Variants in E2F3 observed in about 807,000 individuals in gnomAD.
The protein encoded by E2F3 is transcription factor E2F3.
A neutral mutation model predicts 44.4 loss-of-function variants in E2F3; 11 were observed. That is an observed-to-expected ratio of 0.25 (90% confidence interval 0.16 to 0.41). The LOEUF (loss-of-function observed/expected upper bound fraction) is 0.41, where lower values mean the gene tolerates loss of function less well. E2F3 is among the 10% of genes least tolerant of loss of function. The pLI, the probability that E2F3 is intolerant of heterozygous loss-of-function variation, is 1.00. For synonymous variants in E2F3, 249 were observed against 253.0 expected (o/e 0.98, Z 0.15); for missense variants, 487 against 583.6 (o/e 0.83, Z 1.70).
At chr6:20,418,588 G>A (rs1166752795) in intron 1 of E2F3, among the ~76,000 whole-genome samples, 1 of 152,234 alleles carries the variant, frequency 6.6e-6, no homozygotes, top group African/African-American at 2.4e-5. Context: ...ACCCTGAGAA[G>A]TATAACTGCC....
intron 1 of E2F3, among the ~76,000 whole-genome samples, chr6:20,451,158 G>A (rs180886067): frequency 1.0e-3 from 156 of 152,242 alleles, no homozygotes; most frequent in East Asian, 2.5e-3. Context: ...TTCTAGTTCT[G>A]TGAAGAATGT....
intron 1 of E2F3, chr6:20,421,808 A>C (rs1760037585): frequency 6.6e-6 from 1 of 152,312 alleles, no homozygotes; most frequent in Non-Finnish European, 1.5e-5. Context: ...ACTACAGCCC[A>C]GAACTCCTGG....
chr6:20,479,254 T>C (rs1163543977), intron 1 of E2F3, among the ~76,000 whole-genome samples: 2 of 152,140 alleles, frequency 1.3e-5, no homozygotes, highest in Non-Finnish European at 2.9e-5. Flanking sequence ...ATATACAGTA[T>C]ATAGAGAGAG....
chr6:20,432,499 T>C (rs1760441236), intron 1 of E2F3, among the ~76,000 whole-genome samples: 1 of 152,262 alleles, frequency 6.6e-6, no homozygotes, highest in South Asian at 2.1e-4. Flanking sequence ...ATATATGGTG[T>C]AGACCACAGA....
intron 1 of E2F3, among the ~76,000 whole-genome samples, chr6:20,473,872 T>C (rs572594350): frequency 6.2e-4 from 95 of 152,308 alleles, no homozygotes; most frequent in Non-Finnish European, 1.2e-3. Context: ...AGCCTTGGGA[T>C]TGAGGCCAGG....
rs73382452 is a variant in E2F3, at chr6:20,414,058, A to G, written c.393+11433A>G. On this transcript the variant is annotated intron_variant, in intron 1 of 6. Coordinates refer to ENST00000346618, the MANE Select transcript of E2F3 (RefSeq NM_001949.5). Reference sequence around the variant, plus strand: ...GGGCCATCCCGTTTTCTGAGGGGCTAAGGCTGAGCACCGGAAGTGGGACTT... The same window carrying G: ...GGGCCATCCCGTTTTCTGAGGGGCTGAGGCTGAGCACCGGAAGTGGGACTT... Among the ~76,000 whole-genome samples, 688 of 152,276 alleles carry G rather than the reference A, an allele frequency of 4.5e-3. 4 individuals are homozygous for G. Among genetic ancestry groups the G allele is most frequent in the African/African-American group, 0.015 (640 of 41,564 alleles).
At chr6:20,467,128 G>A (rs918278475) in intron 1 of E2F3, among the ~76,000 whole-genome samples, 10 of 152,098 alleles carry the variant, frequency 6.6e-5, no homozygotes, top group Non-Finnish European at 1.3e-4. Context: ...ACTCATGAGG[G>A]GAAACTGAGC....
rs1403562976 is a variant in E2F3, at chr6:20,490,029, C to T, written c.1136-139C>T. ...TGTACCTGTTAGCATAAAAGGTGAT[C>T]TGCATCATAAAGTCGTCTCATTGTC... On this transcript the variant is annotated intron_variant, in intron 6 of 6. Transcript: ENST00000346618. This position sits in a 1 kb window ranked among gnomAD's most constrained non-coding sequence, Gnocchi z 4.3. 1 of 936,934 alleles carries T rather than the reference C, an allele frequency of 1.1e-6. No individual in the cohort carries two copies. The highest frequency in any genetic ancestry group is 1.7e-5 in the African/African-American group (1 of 59,378). 58.0% of individuals were successfully genotyped at this position (936,934 alleles called of 1,614,324 possible).
intron 1 of E2F3, among the ~76,000 whole-genome samples, chr6:20,468,317 C>T (rs761283959): frequency 8.5e-5 from 13 of 152,190 alleles, no homozygotes; most frequent in Non-Finnish European, 1.0e-4. Context: ...TCGGGGTTCC[C>T]GCGGCCCATT....
chr6:20,469,515 A>G (rs1206424126), intron 1 of E2F3, among the ~76,000 whole-genome samples: 2 of 152,356 alleles, frequency 1.3e-5, no homozygotes, highest in African/African-American at 2.4e-5. Context: ...TAAAAACAAA[A>G]TAAGTTTCTA....
intron 1 of E2F3, among the ~76,000 whole-genome samples, chr6:20,448,006 C>T (rs1055177345): frequency 6.6e-6 from 1 of 152,198 alleles, no homozygotes; most frequent in Non-Finnish European, 1.5e-5. Context: ...GTCCTTAAAC[C>T]TTTCTGCCCC....
intron 1 of E2F3, among the ~76,000 whole-genome samples, chr6:20,411,866 C>T (rs976069882): frequency 6.6e-6 from 1 of 152,188 alleles, no homozygotes; most frequent in Non-Finnish European, 1.5e-5. Flanking sequence ...TCATGACTTA[C>T]TCCTCCTCCA....
At chr6:20,482,304 C>G (rs1180890448) in intron 3 of E2F3, among the ~76,000 whole-genome samples, 1 of 147,354 alleles carries the variant, frequency 6.8e-6, no homozygotes, top group Non-Finnish European at 1.5e-5. Context: ...CAGTAATTAC[C>G]TGAGTTTTTG....
At chr6:20,426,811 C>T (rs1760230630) in intron 1 of E2F3, among the ~76,000 whole-genome samples, 1 of 152,330 alleles carries the variant, frequency 6.6e-6, no homozygotes, top group East Asian at 1.9e-4. Context: ...CCCATCCCCC[C>T]CAATACAACT....
rs1762581202 is a variant in E2F3 at position 20,492,493 on chromosome 6, G to T, written c.*2063G>T. On this transcript the variant is annotated 3_prime_UTR_variant, in exon 7 of 7. Transcript: ENST00000346618. ...GCACTGTGGGGTTTTTTCCTGTATG[G>T]GAAACCATTTATGCCAAGCTTTTCC... The T allele has an allele frequency of 4.3e-6, 1 of 233,362 alleles. No homozygotes were observed. The highest frequency in any genetic ancestry group is 8.5e-6 in the Non-Finnish European group (1 of 117,860). 14.5% of individuals were successfully genotyped at this position (233,362 alleles called of 1,614,324 possible).
chr6:20,493,206 T>C lies in E2F3; in HGVS notation c.*2776T>C, dbSNP rs577740898. 1.2e-4 allele frequency: 28 copies of C among 227,002 alleles called. No homozygotes were observed. The South Asian group carries it at 4.9e-3, about 40-fold the overall frequency. The allele number at this position is 227,002 out of a possible 1,614,324, so 14.1% of individuals were successfully genotyped here. ...CTGCTTTGTAATTTTTTAAGAGTGT[T>C]ATTTTGTTTTTGTTTTTCTGTTCTT... On this transcript the variant is annotated 3_prime_UTR_variant, in exon 7 of 7. Coordinates refer to ENST00000346618, the MANE Select transcript of E2F3 (RefSeq NM_001949.5).
chr6:20,485,330 C>T (rs1762357204), intron 4 of E2F3, among the ~76,000 whole-genome samples: 1 of 152,176 alleles, frequency 6.6e-6, no homozygotes, highest in Admixed American at 6.5e-5. Flanking sequence ...GTAATCCCAG[C>T]ACTTTGGGAG....
chr6:20,443,962 A>G (rs1267756900), intron 1 of E2F3, among the ~76,000 whole-genome samples: 2 of 152,144 alleles, frequency 1.3e-5, no homozygotes, highest in Non-Finnish European at 2.9e-5. Context: ...CTGTAATCCC[A>G]GCACCTTGAG....
chr6:20,444,170 C>G lies in E2F3; in HGVS notation c.394-35676C>G, dbSNP rs866593270. The stretch of plus-strand genomic sequence containing the variant: ...TGCCTCTACACTCTAGCCTGGGCAG[C>G]AGAGCGAGACCTAGTCTTGAAAAAT... On this transcript the variant is annotated intron_variant, in intron 1 of 6. Transcript: ENST00000346618. Among the ~76,000 whole-genome samples the G allele has an allele frequency of 7.2e-5, 11 of 152,290 alleles. 1 individual carries two copies. Among genetic ancestry groups the G allele is most frequent in the Non-Finnish European group, 1.3e-4 (9 of 68,032 alleles).
Sources: gnomAD v4.1 joint callset for allele counts (sites outside exome capture counted in the v4.1 genomes callset) on GRCh38, gnomAD v4.1.1 for gene constraint, Gnocchi (gnomAD v3.1) non-coding constraint, MANE v1.5 for transcripts, NCBI Gene and HGNC (gene_info 2026-07-23, HGNC 2026-07-21) for gene names.